AHI1: variants seen among roughly 807,000 people sequenced by gnomAD.
AHI1 encodes Abelson helper integration site 1, also known as jouberin.
Under a neutral mutation model 149.3 loss-of-function variants are expected in AHI1, and 123 were observed. The observed-to-expected ratio is 0.82, with a 90% CI of 0.71 to 0.96. AHI1 has a LOEUF of 0.96. Ranked by LOEUF, AHI1 falls within the 40% of genes least tolerant of loss-of-function variation. The pLI is 0.00. For synonymous variants in AHI1, 475 were observed against 459.8 expected (o/e 1.03, Z -0.42); for missense variants, 1,439 against 1,422.7 (o/e 1.01, Z -0.18).
At chr6:135,471,223 T>C (rs979203100) in intron 5 of AHI1, among the ~76,000 whole-genome samples, 215 of 152,176 alleles carry the variant, frequency 1.4e-3, no homozygotes, top group Non-Finnish European at 1.8e-4. Flanking sequence ...GAAAAGGCTG[T>C]TTTTTGTTTA....
chr6:135,375,203 A>T (rs1324609883), intron 23 of AHI1, among the ~76,000 whole-genome samples: 2 of 152,206 alleles, frequency 1.3e-5, no homozygotes, highest in Admixed American at 6.5e-5. Flanking sequence ...TAAATTTAAT[A>T]TGATTTTAAT....
chr6:135,452,221 GATC>G (rs1390720993), intron 11 of AHI1, among the ~76,000 whole-genome samples: 1 of 152,172 alleles, frequency 6.6e-6, no homozygotes, highest in Non-Finnish European at 1.5e-5. Flanking sequence ...ACATTTTATA[GATC>G]ATATTTGTTG....
At chr6:135,332,698 CCTCT>C (rs1336178417) in intron 24 of AHI1, among the ~76,000 whole-genome samples, 1 of 152,172 alleles carries the variant, frequency 6.6e-6, no homozygotes, top group East Asian at 1.9e-4. Flanking sequence ...AATGAAGCTC[CCTCT>C]GTTTTAATCT....
chr6:135,371,176 T>A (rs937001733), intron 23 of AHI1, among the ~76,000 whole-genome samples: 2 of 152,228 alleles, frequency 1.3e-5, no homozygotes, highest in African/African-American at 4.8e-5. Context: ...AATTTTTTCC[T>A]CTATGCCTAA....
Position 135,453,388 on chromosome 6 carries a change from G to A in AHI1, c.1393C>T (p.Gln465Ter). The A allele has an allele frequency of 6.4e-7, 1 of 1,561,618 alleles. No homozygotes were observed. Among genetic ancestry groups the A allele is most frequent in the Admixed American group, 1.9e-5 (1 of 52,666 alleles). The change falls in exon 11 of 29, where the codon CAA (glutamine) becomes TAA (stop). Residue 465 changes from glutamine (Q) to a stop codon, truncating the protein, a stop_gained. Transcript: ENST00000265602. LOFTEE classifies it high-confidence loss of function. Reference protein sequence around the residue: ...VDEIKNNSEVQNQECGFRKIA... With the variant: ...VDEIKNNSEV ...TTCCGAAAGCCACATTCTTGGTTTT[G>A]AACCTCAGAATTATTCTTAATTTCA...
chr6:135,328,706 C>G (rs1189150554), intron 24 of AHI1, among the ~76,000 whole-genome samples: 1 of 151,936 alleles, frequency 6.6e-6, no homozygotes, highest in Middle Eastern at 3.2e-3. Flanking sequence ...GTTGCAAGTC[C>G]TTCATTTTAA....
intron 24 of AHI1, among the ~76,000 whole-genome samples, chr6:135,341,645 T>C (rs951812487): frequency 6.6e-5 from 10 of 151,840 alleles, no homozygotes; most frequent in Admixed American, 3.9e-4. Flanking sequence ...TCTCCAACCA[T>C]GATAAACTGA....
intron 24 of AHI1, among the ~76,000 whole-genome samples, chr6:135,337,613 T>A (rs1789594814): frequency 6.6e-6 from 1 of 151,628 alleles, no homozygotes; most frequent in Non-Finnish European, 1.5e-5. Flanking sequence ...ATTAAAAAAA[T>A]CAGCTAGGTG....
At chr6:135,346,390 C>T (rs189706960) in intron 24 of AHI1, among the ~76,000 whole-genome samples, 2 of 151,814 alleles carry the variant, frequency 1.3e-5, no homozygotes, top group Non-Finnish European at 2.9e-5. Context: ...TTAGTAGAGA[C>T]GGGGTCTCAG....
chr6:135,298,772 G>C (rs551325318), intron 27 of AHI1, among the ~76,000 whole-genome samples: 1 of 152,274 alleles, frequency 6.6e-6, no homozygotes, highest in East Asian at 1.9e-4. Context: ...TAGAAGCTGA[G>C]ATGTTTGTGA....
chr6:135,433,484 A>G (rs1192624825), intron 15 of AHI1, among the ~76,000 whole-genome samples: 1 of 152,324 alleles, frequency 6.6e-6, no homozygotes. Context: ...AGCATATTAT[A>G]TCCACTAATT....
intron 27 of AHI1, among the ~76,000 whole-genome samples, chr6:135,298,338 A>AC (rs1783414344): frequency 6.6e-6 from 1 of 151,902 alleles, no homozygotes. Flanking sequence ...AAAAAAAAAA[A>AC]AAAACAAAAA....
chr6:135,319,137 T>C lies in AHI1; in HGVS notation c.3329-521A>G, dbSNP rs563119886. 9.8e-5 allele frequency among the ~76,000 whole-genome samples: 15 copies of C among 152,290 alleles called. No homozygotes were observed. The East Asian group carries it at 1.9e-3, about 20-fold the overall frequency. ...AATGCTTAATGGAAGAAGTGGTAGG[T>C]GTATCAGACTCTGAAGACTAGGTAG... On this transcript the variant is annotated intron_variant, in intron 25 of 28. Coordinates refer to ENST00000265602, the MANE Select transcript of AHI1 (RefSeq NM_001134831.2).
intron 5 of AHI1, among the ~76,000 whole-genome samples, chr6:135,482,741 CTTT>C: frequency 6.6e-6 from 1 of 151,442 alleles, no homozygotes. Flanking sequence ...GGTTATCTTT[CTTT>C]TTTTAAATGC....
At chr6:135,322,721 C>A (rs1452398870) in intron 25 of AHI1, among the ~76,000 whole-genome samples, 1 of 152,184 alleles carries the variant, frequency 6.6e-6, no homozygotes, top group African/African-American at 2.4e-5. Context: ...GAGAATGAAA[C>A]AACTTATTGT....
intron 23 of AHI1, among the ~76,000 whole-genome samples, chr6:135,394,444 C>T (rs890841137): frequency 6.6e-6 from 1 of 152,028 alleles, no homozygotes; most frequent in Non-Finnish European, 1.5e-5. Context: ...TGAATTATAA[C>T]ATGGGATTAT....
intron 19 of AHI1, among the ~76,000 whole-genome samples, chr6:135,427,768 T>G (rs1211563610): frequency 6.6e-6 from 1 of 151,474 alleles, no homozygotes; most frequent in Non-Finnish European, 1.5e-5. Context: ...AGGTACCCAT[T>G]TGCTTGAAAG....
intron 21 of AHI1, among the ~76,000 whole-genome samples, chr6:135,409,711 T>C (rs1334310764): frequency 6.6e-6 from 1 of 152,124 alleles, no homozygotes; most frequent in Non-Finnish European, 1.5e-5. Flanking sequence ...CTCCCCCCCA[T>C]TATATCTATG....
intron 13 of AHI1, among the ~76,000 whole-genome samples, chr6:135,443,743 TTAAG>T (rs1188069007): frequency 1.3e-5 from 2 of 152,138 alleles, no homozygotes; most frequent in African/African-American, 4.8e-5. Context: ...AAAGAATTTG[TTAAG>T]TGTCAATCAT....
Sources: allele counts gnomAD v4.1 joint callset (sites outside exome capture counted in the v4.1 genomes callset), GRCh38; gene constraint gnomAD v4.1.1; transcripts MANE v1.5; gene names NCBI Gene and HGNC (gene_info 2026-07-23, HGNC 2026-07-21).